ROBO1: variants seen among roughly 807,000 people sequenced by gnomAD.
The protein encoded by ROBO1 is roundabout guidance receptor 1.
A neutral mutation model predicts 195.9 loss-of-function variants in ROBO1; 149 were observed. The observed-to-expected ratio is 0.76, with a 90% CI of 0.67 to 0.87. The LOEUF is 0.87. Ranked by LOEUF, ROBO1 falls within the 40% of genes least tolerant of loss-of-function variation. The pLI is 0.00. For synonymous variants in ROBO1, 816 were observed against 733.2 expected (o/e 1.11, Z -1.82); for missense variants, 1,933 against 2,068.3 (o/e 0.93, Z 1.27).
chr3:79,352,470 G>A (rs569891216), intron 2 of ROBO1, among the ~76,000 whole-genome samples: 1 of 152,258 alleles, frequency 6.6e-6, no homozygotes, highest in Non-Finnish European at 1.5e-5. Flanking sequence ...CCGTCAACTA[G>A]ACTACGGACG....
At chr3:78,614,947 A>T (rs1480163432) in intron 27 of ROBO1, 147 bp from the exon 28 acceptor site, 4 of 755,532 alleles carry the variant, frequency 5.3e-6, no homozygotes, top group East Asian at 2.7e-5. Flanking sequence ...CTCTTCCAGC[A>T]AATAACAGGC....
At chr3:79,742,826 G>A (rs1703706072) in intron 1 of ROBO1, among the ~76,000 whole-genome samples, 2 of 152,172 alleles carry the variant, frequency 1.3e-5, no homozygotes, top group African/African-American at 2.4e-5. Flanking sequence ...CAAAAGCAAA[G>A]AGGCTTGGTG....
intron 8 of ROBO1, among the ~76,000 whole-genome samples, chr3:78,707,236 C>T (rs2081574681): frequency 6.6e-6 from 1 of 152,090 alleles, no homozygotes; most frequent in Admixed American, 6.6e-5. Context: ...TAGGAAGCAT[C>T]CCATTAGTAG....
chr3:79,274,277 T>A (rs543638856), intron 2 of ROBO1, among the ~76,000 whole-genome samples: 2 of 151,416 alleles, frequency 1.3e-5, no homozygotes, highest in Admixed American at 6.6e-5. Context: ...CATTTTTTTT[T>A]AAATTGAAGC....
chr3:79,363,405 T>A (rs1019354685), intron 2 of ROBO1, among the ~76,000 whole-genome samples: 6 of 152,210 alleles, frequency 3.9e-5, no homozygotes, highest in African/African-American at 1.2e-4. Context: ...CCATATAGGT[T>A]TAAATTATTT....
At chr3:79,671,002 C>T (rs1481754247) in intron 1 of ROBO1, among the ~76,000 whole-genome samples, 1 of 151,658 alleles carries the variant, frequency 6.6e-6, no homozygotes, top group Non-Finnish European at 1.5e-5. Flanking sequence ...TTCTATGCTT[C>T]GTTTTATATC....
At chr3:78,825,421 C>T (rs1460930608) in intron 4 of ROBO1, among the ~76,000 whole-genome samples, 1 of 152,126 alleles carries the variant, frequency 6.6e-6, no homozygotes, top group East Asian at 1.9e-4. Flanking sequence ...CTTAACCAGT[C>T]TTTCTAAGGA....
intron 3 of ROBO1, among the ~76,000 whole-genome samples, chr3:78,961,801 T>G (rs953223205): frequency 1.3e-5 from 2 of 152,180 alleles, no homozygotes; most frequent in African/African-American, 4.8e-5. Context: ...AATTTTTTTT[T>G]AAGTCCTCAA....
At chr3:79,619,013 G>C (rs13100303) in intron 1 of ROBO1, among the ~76,000 whole-genome samples, 1 of 39,166 alleles carries the variant, frequency 2.6e-5, no homozygotes, top group Admixed American at 2.7e-4. Flanking sequence ...CACCTGCCTT[G>C]ATCATTCACC....
At chr3:79,539,882 T>C (rs4527338) in intron 2 of ROBO1, among the ~76,000 whole-genome samples, 86,807 of 151,810 alleles carry the variant, frequency 0.57, 24,955 homozygotes, top group Non-Finnish European at 0.6. Context: ...GATTTTATGA[T>C]GTAGACTATT....
rs1938272462 is a variant in ROBO1 at position 79,471,585 on chromosome 3, T to C, written c.88+118239A>G. 2.0e-5 allele frequency among the ~76,000 whole-genome samples: 3 copies of C among 152,158 alleles called. No individual in the cohort carries two copies. In the South Asian group the frequency reaches 6.2e-4, roughly 32 times the overall value. On this transcript the variant is annotated intron_variant, in intron 2 of 30. Transcript: ENST00000464233. ...GGAGGTTTGTTATTAATGACTAAAA[T>C]GGTTTACTCCTATAAAAAATTATTT... is the stretch of plus-strand genomic sequence containing the variant.
intron 2 of ROBO1, among the ~76,000 whole-genome samples, chr3:79,586,376 T>C (rs1309720406): frequency 6.6e-6 from 1 of 151,862 alleles, no homozygotes; most frequent in East Asian, 1.9e-4. Flanking sequence ...GGTCAATGGA[T>C]GGGTGGGGCA....
chr3:79,019,496 G>A, intron 3 of ROBO1: 1 of 986,198 alleles, frequency 1.0e-6, no homozygotes, highest in Non-Finnish European at 1.2e-6. Flanking sequence ...GCGGCTCCCA[G>A]TTCCCTCCCT....
chr3:79,587,581 T>C (rs546014816), intron 2 of ROBO1, among the ~76,000 whole-genome samples: 6 of 151,888 alleles, frequency 4.0e-5, no homozygotes, highest in Admixed American at 2.6e-4. Flanking sequence ...ATTTTTTTTC[T>C]TAAGAGAAAG....
intron 2 of ROBO1, among the ~76,000 whole-genome samples, chr3:79,288,607 C>G (rs994273390): frequency 6.6e-6 from 1 of 152,164 alleles, no homozygotes; most frequent in African/African-American, 2.4e-5. Flanking sequence ...AGGCCAGATG[C>G]AGAAACCCAG....
intron 3 of ROBO1, among the ~76,000 whole-genome samples, chr3:79,041,055 G>A (rs1032146342): frequency 3.2e-4 from 49 of 152,050 alleles, no homozygotes; most frequent in Non-Finnish European, 1.6e-4. Flanking sequence ...CTGGGGACAC[G>A]TCTTTCCTTA....
intron 3 of ROBO1, chr3:79,019,343 G>A: frequency 1.0e-6 from 1 of 985,824 alleles, no homozygotes; most frequent in South Asian, 4.7e-5. Flanking sequence ...GGCAGAGAAG[G>A]GCAGAGAGGA....
intron 1 of ROBO1, among the ~76,000 whole-genome samples, chr3:79,711,903 T>C (rs966385247): frequency 2.2e-5 from 3 of 137,448 alleles, no homozygotes; most frequent in Non-Finnish European, 4.6e-5. Flanking sequence ...GACATTACTA[T>C]TCTAATTTGT....
chr3:79,324,288 TGCTATCTACGAG>T (rs777115230), intron 2 of ROBO1, among the ~76,000 whole-genome samples: 28 of 152,310 alleles, frequency 1.8e-4, no homozygotes, highest in Non-Finnish European at 3.7e-4. Flanking sequence ...ATTTTGCACC[TGCTATCTACGAG>T]GCACTGAATA....
Sources: allele counts gnomAD v4.1 joint callset (sites outside exome capture counted in the v4.1 genomes callset), GRCh38; gene constraint gnomAD v4.1.1; transcripts MANE v1.5; gene names NCBI Gene and HGNC (gene_info 2026-07-23, HGNC 2026-07-21).